The following KIAA0319 variants were observed in gnomAD, a reference collection of about 807,000 sequenced individuals.
KIAA0319 encodes the protein KIAA0319.
A neutral mutation model predicts 108.4 loss-of-function variants in KIAA0319; 83 were observed. That is an observed-to-expected ratio of 0.77 (90% CI 0.64 to 0.92). KIAA0319 has a LOEUF of 0.92. Ranked by LOEUF, KIAA0319 falls within the 40% of genes least tolerant of loss-of-function variation. KIAA0319 has a pLI of 0.00. For missense variants in KIAA0319, 1,195 were observed against 1,322.4 expected (o/e 0.90, Z 1.49); for synonymous variants, 484 against 510.4 (o/e 0.95, Z 0.70).
chr6:24,563,637 G>T, intron 15 of KIAA0319, 119 bp from the exon 16 acceptor site: 1 of 877,972 alleles, frequency 1.1e-6, no homozygotes, highest in Non-Finnish European at 1.6e-6. Flanking sequence ...CATTTGAGTT[G>T]TAGCACTCAG....
At chr6:24,585,531 C>G (rs1407545821) in intron 4 of KIAA0319, among the ~76,000 whole-genome samples, 1 of 152,060 alleles carries the variant, frequency 6.6e-6, no homozygotes, top group African/African-American at 2.4e-5. Context: ...AAATGCATAT[C>G]TAATTGTTTC....
intron 20 of KIAA0319, among the ~76,000 whole-genome samples, chr6:24,550,771 G>GA (rs1157557656): frequency 4.6e-5 from 7 of 151,800 alleles, no homozygotes; most frequent in Non-Finnish European, 1.0e-4. Context: ...CCCGCGAGTA[G>GA]AAAAAAAAGC....
intron 1 of KIAA0319, among the ~76,000 whole-genome samples, chr6:24,603,926 A>G (rs1771035388): frequency 6.6e-6 from 1 of 152,112 alleles, no homozygotes; most frequent in Non-Finnish European, 1.5e-5. Flanking sequence ...TGCCTAGCCT[A>G]ACACCATCAC....
intron 1 of KIAA0319, among the ~76,000 whole-genome samples, chr6:24,602,747 G>A (rs1383394643): frequency 6.6e-6 from 1 of 152,106 alleles, no homozygotes; most frequent in African/African-American, 2.4e-5. Flanking sequence ...CTTGCAGTGA[G>A]CCGAGATCAC....
intron 2 of KIAA0319, chr6:24,597,950 A>AAAAAAAAAAAAAAAG (rs1769977788): frequency 7.2e-6 from 1 of 138,846 alleles, no homozygotes. Context: ...AAAAAAAAAA[A>AAAAAAAAAAAAAAAG]CCACCTAGAA....
Position 24,572,618 on chromosome 6 carries a change from TG to T in KIAA0319, c.1814del (p.Ser605Ter), listed in dbSNP as rs1366762425. Reference protein sequence around the residue: ...YTFQLKVTDSSRQQSTAVVTV... With the variant: ...YTFQLKVTDSXRQQSTAVVTV... ...TCACCACAGCAGTAGACTGTTGCCT[TG>T]AAGAATCTGTCACCTTCAGCTGAAA... On this transcript the variant is annotated frameshift_variant, in exon 11 of 21. Transcript: ENST00000378214. LOFTEE classifies it high-confidence loss of function. 6.2e-7 allele frequency: 1 copy of T among 1,614,132 alleles called. No homozygotes were observed. Among genetic ancestry groups the T allele is most frequent in the South Asian group, 1.1e-5 (1 of 91,078 alleles).
intron 14 of KIAA0319, 54 bp downstream of exon 14, chr6:24,566,543 C>A: frequency 6.7e-7 from 1 of 1,490,426 alleles, no homozygotes; most frequent in Admixed American, 2.0e-5. Context: ...CCCAAGCTGA[C>A]TAATGCAGAT....
intron 1 of KIAA0319, among the ~76,000 whole-genome samples, chr6:24,644,610 G>A (rs1275636642): frequency 5.4e-5 from 8 of 148,236 alleles, no homozygotes; most frequent in African/African-American, 7.4e-5. Flanking sequence ...ATTGGCTAGG[G>A]AAAAAAAAAA....
In KIAA0319 at chr6:24,564,241, C is replaced by A; in HGVS notation, c.2392G>T (p.Ala798Ser). The change falls in exon 15 of 21, where the codon GCC becomes TCC. Residue 798 changes from alanine to serine, a missense_variant. Physicochemically the swap from Ala to Ser is moderately conservative, Grantham distance 99. Transcript: ENST00000378214. ...ACAGTGGCAGTGTCTGTGTCCGAGG[C>A]CCCCTGACTGTCGGTGACTCGCAAG... Reference protein sequence around the residue: ...FHLRVTDSQGASDTDTATVEV... With the variant: ...FHLRVTDSQGSSDTDTATVEV... 1 of 1,614,042 alleles carries A rather than the reference C, an allele frequency of 6.2e-7. No homozygotes were observed. The highest frequency in any genetic ancestry group is 8.5e-7 in the Non-Finnish European group (1 of 1,179,994).
chr6:24,643,459 C>T (rs1032154580), intron 1 of KIAA0319, among the ~76,000 whole-genome samples: 7 of 152,060 alleles, frequency 4.6e-5, no homozygotes, highest in South Asian at 2.1e-4. Flanking sequence ...GAAAAATAAC[C>T]TACCAATTAT....
At chr6:24,598,301 A>C (rs1770056732) in intron 2 of KIAA0319, 4 of 662,722 alleles carry the variant, frequency 6.0e-6, no homozygotes, top group Non-Finnish European at 5.5e-6. Flanking sequence ...ATGTGCACCC[A>C]GGAGAAGGAG....
At chr6:24,611,165 C>T (rs911853899) in intron 1 of KIAA0319, among the ~76,000 whole-genome samples, 6 of 148,890 alleles carry the variant, frequency 4.0e-5, no homozygotes, top group Non-Finnish European at 5.9e-5. Context: ...ATAAGATGTA[C>T]AGTTTTTGCT....
chr6:24,588,846 C>T, intron 3 of KIAA0319, 61 bp from the exon 4 acceptor site: 1 of 1,364,980 alleles, frequency 7.3e-7, no homozygotes, highest in Non-Finnish European at 1.0e-6. Context: ...ACTCTTCAAG[C>T]AACTCAATGT....
downstream of KIAA0319, among the ~76,000 whole-genome samples, chr6:24,543,070 CTG>C (rs1219629899): frequency 1.3e-5 from 2 of 152,342 alleles, no homozygotes; most frequent in East Asian, 1.9e-4. Context: ...GACCATAACT[CTG>C]TGGTTTGGAA....
rs751677686 is a variant in KIAA0319 at position 24,578,208 on chromosome 6, A to G, written c.1407T>C (p.His469=). Residue 469 remains histidine (H), a synonymous_variant, in exon 9 of 21, where the codon CAT becomes CAC. Transcript: ENST00000378214. ...STDDTEIVSY[H]WEEINGPFIE... ...TGAAGGGCCCGTTTATTTCTTCCCA[A>G]TGATAACTCACTATTTCAGTATCAT... 1.7e-5 allele frequency: 27 copies of G among 1,606,032 alleles called. No individual in the cohort carries two copies. Among genetic ancestry groups the G allele is most frequent in the African/African-American group, 2.7e-5 (2 of 74,872 alleles).
At chr6:24,622,022 T>A (rs932685356) in intron 1 of KIAA0319, among the ~76,000 whole-genome samples, 2 of 151,588 alleles carry the variant, frequency 1.3e-5, no homozygotes, top group African/African-American at 4.9e-5. Flanking sequence ...AAAAGGAGAG[T>A]CAACAGAGTC....
intron 16 of KIAA0319, among the ~76,000 whole-genome samples, chr6:24,561,081 T>A (rs982841145): frequency 6.6e-6 from 1 of 152,258 alleles, no homozygotes; most frequent in African/African-American, 2.4e-5. Flanking sequence ...CTTGCATTCC[T>A]GGGATAAATC....
intron 1 of KIAA0319, among the ~76,000 whole-genome samples, chr6:24,608,629 T>C (rs1359050439): frequency 6.6e-6 from 1 of 152,148 alleles, no homozygotes; most frequent in Admixed American, 6.5e-5. Context: ...CCAAAAGACA[T>C]GATTAAAAAT....
intron 1 of KIAA0319, among the ~76,000 whole-genome samples, chr6:24,628,176 C>G (rs1473799335): frequency 6.6e-6 from 1 of 152,126 alleles, no homozygotes; most frequent in Non-Finnish European, 1.5e-5. Context: ...TCTAAACTTC[C>G]TAAATAAGTA....
Sources: allele counts gnomAD v4.1 joint callset (sites outside exome capture counted in the v4.1 genomes callset), GRCh38; gene constraint gnomAD v4.1.1; transcripts MANE v1.5; gene names NCBI Gene and HGNC (gene_info 2026-07-23, HGNC 2026-07-21).